Variants in CTCF observed in about 807,000 individuals in gnomAD.
The protein encoded by CTCF is CCCTC-binding factor.
A neutral mutation model predicts 72.3 loss-of-function variants in CTCF; 7 were observed. The ratio of observed to expected loss-of-function variants is 0.10; its 90% confidence interval spans 0.06 to 0.18. The LOEUF is 0.18. CTCF is among the 10% of genes least tolerant of loss of function. The probability of loss-of-function intolerance (pLI) is 1.00; values close to 1 mark genes in which losing one functional copy is unlikely to be tolerated. For synonymous variants in CTCF, 374 were observed against 315.8 expected (o/e 1.18, Z -1.95); for missense variants, 516 against 949.1 (o/e 0.54, Z 6.00).
chr16:67,602,842 C>CAAA (rs75191313), intron 2 of CTCF, among the ~76,000 whole-genome samples: 369 of 55,314 alleles, frequency 6.7e-3, no homozygotes, highest in Non-Finnish European at 9.9e-3. Flanking sequence ...ACTCCATCTC[C>CAAA]AAAAAAAAAA....
chr16:67,616,860 C>T lies in CTCF; in HGVS notation c.1068C>T (p.Cys356=), dbSNP rs928819047. Reference sequence around the variant, plus strand: ...AGAAGCCATTCAAGTGTTCCATGTGCGATTACGCCAGTGTAGAAGTGAGTG... The same window carrying T: ...AGAAGCCATTCAAGTGTTCCATGTGTGATTACGCCAGTGTAGAAGTGAGTG... ...THEKPFKCSM[C]DYASVEVSKL... Residue 356 remains cysteine, a synonymous_variant, in exon 5 of 12, where the codon TGC becomes TGT. Transcript: ENST00000264010. 1.9e-6 allele frequency: 3 copies of T among 1,614,072 alleles called. No homozygotes were observed. The highest frequency in any genetic ancestry group is 8.5e-7 in the Non-Finnish European group (1 of 1,179,998).
chr16:67,575,635 G>A (rs1325583514), intron 2 of CTCF, among the ~76,000 whole-genome samples: 1 of 151,880 alleles, frequency 6.6e-6, no homozygotes, highest in Non-Finnish European at 1.5e-5. Flanking sequence ...TAGAGACGGG[G>A]TTTCACCATA....
chr16:67,586,535 C>CA (rs1213215957), intron 2 of CTCF, among the ~76,000 whole-genome samples: 453 of 100,516 alleles, frequency 4.5e-3, no homozygotes, highest in Middle Eastern at 0.023. Context: ...GACTCCGTCT[C>CA]AAAAAAAAAA....
chr16:67,635,998 G>A (rs145069501), intron 10 of CTCF, among the ~76,000 whole-genome samples: 2,351 of 152,204 alleles, frequency 0.015, 24 homozygotes, highest in Non-Finnish European at 0.024. Context: ...TTGGGAGGCC[G>A]AAGCAGGCAG....
chr16:67,594,570 G>C (rs2051787233), intron 2 of CTCF, among the ~76,000 whole-genome samples: 1 of 151,990 alleles, frequency 6.6e-6, no homozygotes, highest in African/African-American at 2.4e-5. Flanking sequence ...TAAAAAAATA[G>C]TGATGCGTAA....
chr16:67,566,982 C>T (rs931363657), intron 1 of CTCF, among the ~76,000 whole-genome samples: 1 of 151,970 alleles, frequency 6.6e-6, no homozygotes, highest in South Asian at 2.1e-4. Flanking sequence ...CTCAAATGAT[C>T]CTGCCACCTC....
chr16:67,626,509 T>C (rs760669962), intron 7 of CTCF, 46 bp from the exon 8 acceptor site: 2 of 1,297,240 alleles, frequency 1.5e-6, no homozygotes, highest in Admixed American at 2.8e-5. Flanking sequence ...GTTAAAATGC[T>C]TGTTTGTGTT....
chr16:67,633,594 AT>A (rs1426342830), intron 10 of CTCF, among the ~76,000 whole-genome samples: 4 of 152,134 alleles, frequency 2.6e-5, no homozygotes. Flanking sequence ...ACCTTAGTAA[AT>A]AGGACCTCAC....
chr16:67,634,251 A>G (rs895257395), intron 10 of CTCF, among the ~76,000 whole-genome samples: 1 of 152,276 alleles, frequency 6.6e-6, no homozygotes, highest in East Asian at 1.9e-4. Flanking sequence ...TCTGTCACCC[A>G]GGCTGGAGTG....
intron 2 of CTCF, among the ~76,000 whole-genome samples, chr16:67,580,167 A>G (rs937544923): frequency 1.3e-5 from 2 of 152,212 alleles, no homozygotes; most frequent in Non-Finnish European, 2.9e-5. Flanking sequence ...TTAAGGTGGG[A>G]TAACTGGGAT....
In CTCF at chr16:67,610,987, A is replaced by G. The variant is rs777308398; in HGVS notation, c.155A>G (p.Gln52Arg). ...QNQTDGGEVV[Q>R]DVNSSVQMVM... ...CAGACGGATGGGGGTGAGGTGGTCC[A>G]GGATGTCAACAGCAGTGTACAGATG... is the stretch of plus-strand genomic sequence containing the variant. Residue 52 changes from glutamine to arginine, a missense_variant, in exon 3 of 12, where the codon CAG becomes CGG. Transcript: ENST00000264010. 2.5e-6 allele frequency: 4 copies of G among 1,603,460 alleles called. No homozygotes were observed. Among genetic ancestry groups the G allele is most frequent in the South Asian group, 1.1e-5 (1 of 90,898 alleles).
chr16:67,586,563 T>G (rs1007872559), intron 2 of CTCF, among the ~76,000 whole-genome samples: 1 of 151,380 alleles, frequency 6.6e-6, no homozygotes, highest in South Asian at 2.1e-4. Context: ...TTCCTGGGCA[T>G]GGCCCCTGTA....
chr16:67,613,507 A>G (rs969764852), intron 4 of CTCF, among the ~76,000 whole-genome samples: 1 of 152,216 alleles, frequency 6.6e-6, no homozygotes, highest in Non-Finnish European at 1.5e-5. Context: ...ACTAAATAAA[A>G]GTAACTGGGT....
At chr16:67,602,273 T>C (rs189147172) in intron 2 of CTCF, among the ~76,000 whole-genome samples, 1 of 152,356 alleles carries the variant, frequency 6.6e-6, no homozygotes, top group Admixed American at 6.5e-5. Context: ...TGCTACAAAA[T>C]CCTGGAGACC....
intron 5 of CTCF, among the ~76,000 whole-genome samples, chr16:67,620,269 C>T (rs536353633): frequency 3.3e-5 from 5 of 152,176 alleles, no homozygotes; most frequent in South Asian, 4.1e-4. Flanking sequence ...GGCACGATCT[C>T]GGGTCACTGC....
In CTCF at chr16:67,605,731, A is replaced by C. The variant is rs192663073; in HGVS notation, c.-9-5093A>C. ...TTTTATCAGAAACACATTTGGAGCA[A>C]AGTAGTGGCCACAAGAACCTCAGAA... On this transcript the variant is annotated intron_variant, in intron 2 of 11. Transcript: ENST00000264010. Among the ~76,000 whole-genome samples, 293 of 152,346 alleles carry C rather than the reference A, an allele frequency of 1.9e-3. 1 individual carries two copies. Among genetic ancestry groups the C allele is most frequent in the Non-Finnish European group, 3.2e-3 (215 of 68,036 alleles).
intron 10 of CTCF, 96 bp downstream of exon 10, chr16:67,629,629 GCA>G: frequency 8.0e-7 from 1 of 1,245,502 alleles, no homozygotes; most frequent in South Asian, 1.7e-5. Context: ...ATAGAGGCGG[GCA>G]CACACTCTTC....
At chr16:67,620,853 T>C (rs747453829) in intron 6 of CTCF, 36 bp downstream of exon 6, 151 of 1,512,618 alleles carry the variant, frequency 1.0e-4, no homozygotes, top group Non-Finnish European at 1.3e-4. Flanking sequence ...ATTAATGAGC[T>C]TCTTTTCAGT....
intron 1 of CTCF, among the ~76,000 whole-genome samples, chr16:67,566,540 AG>A (rs1328018735): frequency 2.0e-5 from 3 of 146,490 alleles, no homozygotes; most frequent in Non-Finnish European, 3.0e-5. Flanking sequence ...AAAAAAAAAA[AG>A]ATTAGTCTTA....
Sources: allele counts gnomAD v4.1 joint callset (sites outside exome capture counted in the v4.1 genomes callset), GRCh38; gene constraint gnomAD v4.1.1; transcripts MANE v1.5; gene names NCBI Gene and HGNC (gene_info 2026-07-23, HGNC 2026-07-21).